The following SLC36A1 variants were observed in gnomAD, a reference collection of about 807,000 sequenced individuals.
SLC36A1 encodes proton-coupled amino acid transporter 1.
A neutral mutation model predicts 47.5 loss-of-function variants in SLC36A1; 30 were observed. That is an observed-to-expected ratio of 0.63 (90% CI 0.47 to 0.86). The LOEUF (loss-of-function observed/expected upper bound fraction) is 0.86, where lower values mean the gene tolerates loss of function less well. Among genes scored for constraint, SLC36A1 ranks in the 40% least tolerant of loss-of-function variants. SLC36A1 has a pLI of 0.00. For synonymous variants in SLC36A1, 255 were observed against 249.7 expected (o/e 1.02, Z -0.20); for missense variants, 517 against 606.0 (o/e 0.85, Z 1.54).
the SLC36A1 span, chr5:151,529,469 C>G: frequency 7.7e-7 from 1 of 1,291,266 alleles, no homozygotes; most frequent in South Asian, 1.2e-5. Flanking sequence ...CTGAGCCCAG[C>G]CCTAGGAGAG....
chr5:151,527,396 T>G, the SLC36A1 span: 1 of 1,579,136 alleles, frequency 6.3e-7, no homozygotes, highest in East Asian at 2.3e-5. Flanking sequence ...AAATGTCCAG[T>G]GGAGGTTAGC....
chr5:151,555,765 C>G, the SLC36A1 span, among the ~76,000 whole-genome samples: 3 of 152,158 alleles, frequency 2.0e-5, no homozygotes, highest in South Asian at 2.1e-4. Flanking sequence ...TGTATTCCCC[C>G]CTCCTGATAC....
At chr5:151,398,671 T>C in the SLC36A1 span, among the ~76,000 whole-genome samples, 8 of 152,318 alleles carry the variant, frequency 5.3e-5, no homozygotes, top group African/African-American at 1.9e-4. Context: ...AATAATTCAG[T>C]CTTGTTAAAA....
chr5:151,488,062 CA>C lies in SLC36A1; in HGVS notation c.1240del (p.Ile414SerfsTer16), dbSNP rs1252270655. ...GSVSSSALAL[I>X]IPPLLEVTTF... is the part of the protein sequence containing the mutation. ...CCGTGAGCAGCAGCGCCCTGGCCCTCATCATCCCACCGCTCCTGGAGGTCAC... is the reference window on the plus strand; with the variant it reads ...CCGTGAGCAGCAGCGCCCTGGCCCTCTCATCCCACCGCTCCTGGAGGTCAC... On this transcript the variant is annotated frameshift_variant, in exon 11 of 11. Transcript: ENST00000243389. LOFTEE classifies it high-confidence loss of function. 4.3e-6 allele frequency: 7 copies of C among 1,614,044 alleles called. No individual in the cohort carries two copies. In the African/African-American group the frequency reaches 9.3e-5, roughly 22 times the overall value.
At chr5:151,411,804 G>GAAACC in the SLC36A1 span, among the ~76,000 whole-genome samples, 6 of 144,216 alleles carry the variant, frequency 4.2e-5, no homozygotes, top group African/African-American at 7.6e-5. Flanking sequence ...CCTGCTTGTT[G>GAAACC]AAACCAAACC....
chr5:151,418,257 C>T, the SLC36A1 span, among the ~76,000 whole-genome samples: 1 of 152,216 alleles, frequency 6.6e-6, no homozygotes, highest in Non-Finnish European at 1.5e-5. Flanking sequence ...ACACAGTTCC[C>T]ACTGGGACAC....
rs530827088 is a variant in SLC36A1 at position 151,482,927 on chromosome 5, C to T, written c.1159+3438C>T. Among the ~76,000 whole-genome samples the T allele has an allele frequency of 1.2e-4, 19 of 152,204 alleles. 2 individuals are homozygous for T. The South Asian group carries it at 3.7e-3, about 30-fold the overall frequency. On this transcript the variant is annotated intron_variant, in intron 10 of 10. Coordinates refer to ENST00000243389, the MANE Select transcript of SLC36A1 (RefSeq NM_078483.4). ...TGGCAGGTGCCTGTAGTCCCAGCTA[C>T]TTGGGAGGCTGAGGCAGGAGAATGG...
At chr5:151,391,203 T>A in the SLC36A1 span, among the ~76,000 whole-genome samples, 1 of 147,426 alleles carries the variant, frequency 6.8e-6, no homozygotes, top group Non-Finnish European at 1.5e-5. Context: ...GATTTGGCTC[T>A]CTGTCTGTTA....
At chr5:151,510,329 C>T in the SLC36A1 span, 2 of 787,590 alleles carry the variant, frequency 2.5e-6, no homozygotes, top group Admixed American at 2.8e-5. Flanking sequence ...GGCATTGGTG[C>T]CCTGCTGAAC....
the SLC36A1 span, chr5:151,546,444 A>G: frequency 1.4e-6 from 1 of 734,646 alleles, no homozygotes; most frequent in Non-Finnish European, 2.2e-6. Flanking sequence ...ACAGAGCAAA[A>G]TCTGCATATA....
the SLC36A1 span, among the ~76,000 whole-genome samples, chr5:151,369,847 T>A: frequency 2.0e-5 from 3 of 151,992 alleles, no homozygotes; most frequent in Non-Finnish European, 4.4e-5. Context: ...CAGGCTGGAA[T>A]GCAGTGGTGC....
At chr5:151,545,186 A>C in the SLC36A1 span, 1 of 1,614,202 alleles carries the variant, frequency 6.2e-7, no homozygotes, top group Non-Finnish European at 8.5e-7. Context: ...CTGTCCTGCA[A>C]GTTCTCCTTC....
chr5:151,545,629 A>C, the SLC36A1 span: 2 of 1,614,160 alleles, frequency 1.2e-6, no homozygotes, highest in South Asian at 1.1e-5. Flanking sequence ...GAAAGAGGGC[A>C]TGCTCTCATA....
At chr5:151,509,757 A>G in the SLC36A1 span, 1 of 380,786 alleles carries the variant, frequency 2.6e-6, no homozygotes, top group Non-Finnish European at 4.8e-6. Context: ...ATAGAAATAA[A>G]GTGTGCAATA....
upstream of SLC36A1, among the ~76,000 whole-genome samples, chr5:151,445,848 T>G: frequency 1.3e-5 from 2 of 152,288 alleles, no homozygotes; most frequent in Middle Eastern, 3.4e-3. Context: ...TTCACTTTCA[T>G]TTTTTATTTT....
chr5:151,354,106 C>T, the SLC36A1 span, among the ~76,000 whole-genome samples: 1 of 152,112 alleles, frequency 6.6e-6, no homozygotes. Context: ...GAGTTCAAGA[C>T]CAGCCTGGCC....
chr5:151,391,893 G>A, the SLC36A1 span, among the ~76,000 whole-genome samples: 2 of 152,174 alleles, frequency 1.3e-5, no homozygotes, highest in Non-Finnish European at 2.9e-5. Context: ...CCCGGCTTTG[G>A]TATCAAGATG....
At chr5:151,416,884 C>T in the SLC36A1 span, among the ~76,000 whole-genome samples, 1 of 152,230 alleles carries the variant, frequency 6.6e-6, no homozygotes, top group Non-Finnish European at 1.5e-5. Context: ...TTCCCCCATG[C>T]TGTTCTCACA....
intron 3 of SLC36A1, 40 bp from the exon 4 acceptor site, chr5:151,464,474 A>G (rs1174313029): frequency 6.4e-7 from 1 of 1,553,616 alleles, no homozygotes; most frequent in African/African-American, 1.4e-5. Context: ...AATTCTACCT[A>G]CTTTTCTCTC....
Sources: gnomAD v4.1 joint callset for allele counts (sites outside exome capture counted in the v4.1 genomes callset) on GRCh38, gnomAD v4.1.1 for gene constraint, MANE v1.5 for transcripts, NCBI Gene and HGNC (gene_info 2026-07-23, HGNC 2026-07-21) for gene names.